The following DOCK10 variants were observed in gnomAD, a reference collection of about 807,000 sequenced individuals.
DOCK10 encodes dedicator of cytokinesis protein 10.
Under a neutral mutation model 280.1 loss-of-function variants are expected in DOCK10, and 145 were observed. The observed-to-expected ratio is 0.52, with a 90% CI of 0.45 to 0.59. The LOEUF (loss-of-function observed/expected upper bound fraction) is 0.59. Ranked by LOEUF, DOCK10 falls within the 20% of genes least tolerant of loss-of-function variation. DOCK10 has a pLI of 0.00. For synonymous variants in DOCK10, 915 were observed against 942.2 expected (o/e 0.97, Z 0.53); for missense variants, 2,368 against 2,651.7 (o/e 0.89, Z 2.35).
At position 224,773,216 on chromosome 2, in the gene DOCK10, T is replaced by C. The variant is rs780473152; in HGVS notation, c.6145A>G (p.Met2049Val). ...AGTCTGATCATGTCCACTTCTTCCATTGTGCAAAGCTGATTAAGCTCAGAA... is the reference window on the plus strand; with the variant it reads ...AGTCTGATCATGTCCACTTCTTCCACTGTGCAAAGCTGATTAAGCTCAGAA... ...KVSELNQLCT[M>V]EEVDMIRLQL... The change falls in exon 53 of 56, where the codon ATG (methionine) becomes GTG (valine). Residue 2049 changes from methionine to valine, a missense_variant. By Grantham distance (21) the Met-to-Val change is conservative. Coordinates refer to ENST00000258390, the MANE Select transcript of DOCK10 (RefSeq NM_014689.3). 71 of 1,613,830 alleles carry C rather than the reference T, an allele frequency of 4.4e-5. No individual in the cohort carries two copies. Among genetic ancestry groups the C allele is most frequent in the Admixed American group, 3.8e-4 (23 of 60,006 alleles).
intron 1 of DOCK10, among the ~76,000 whole-genome samples, chr2:224,965,652 C>T (rs564240195): frequency 1.3e-5 from 2 of 152,238 alleles, no homozygotes; most frequent in African/African-American, 4.8e-5. Context: ...ACCTTTCTAT[C>T]GTTTAGAGAG....
intron 2 of DOCK10, among the ~76,000 whole-genome samples, chr2:224,922,655 C>T (rs1048409696): frequency 7.9e-5 from 12 of 152,168 alleles, no homozygotes; most frequent in Admixed American, 5.2e-4. Flanking sequence ...TTGGAGGTTT[C>T]GTTACAGCCA....
At chr2:224,797,485 G>C (rs939368816) in intron 42 of DOCK10, among the ~76,000 whole-genome samples, 2 of 152,028 alleles carry the variant, frequency 1.3e-5, no homozygotes, top group Non-Finnish European at 2.9e-5. Flanking sequence ...CCTCAAAGGC[G>C]GTGGCTGTAT....
chr2:224,798,047 C>T lies in DOCK10; in HGVS notation c.4507-78G>A, dbSNP rs149645664. ...CTATCAAAAAATATTTATTGTGAAC[C>T]TGTCATGTGGTAAGGCACTATTTTG... is the stretch of plus-strand genomic sequence containing the variant. On this transcript the variant is annotated intron_variant, in intron 41 of 55. Coordinates refer to ENST00000258390, the MANE Select transcript of DOCK10 (RefSeq NM_014689.3). 1,875 of 1,437,136 alleles carry T rather than the reference C, an allele frequency of 1.3e-3. 5 individuals carry two copies. Among genetic ancestry groups the T allele is most frequent in the Middle Eastern group, 0.012 (66 of 5,688 alleles). The allele number at this position is 1,437,136 out of a possible 1,614,324, so 89.0% of individuals were successfully genotyped here.
At chr2:224,829,716 G>T (rs6713251) in intron 27 of DOCK10, among the ~76,000 whole-genome samples, 50,340 of 152,020 alleles carry the variant, frequency 0.33, 10,705 homozygotes, top group African/African-American at 0.6. Context: ...GAGGGTTTGG[G>T]TCATATCACC....
At chr2:224,870,978 C>A (rs961901284) in intron 11 of DOCK10, among the ~76,000 whole-genome samples, 1 of 152,068 alleles carries the variant, frequency 6.6e-6, no homozygotes, top group South Asian at 2.1e-4. Context: ...AGGCGTGTGC[C>A]ACTGTGTACA....
intron 1 of DOCK10, among the ~76,000 whole-genome samples, chr2:224,958,478 G>C (rs966665532): frequency 1.3e-5 from 2 of 152,120 alleles, no homozygotes; most frequent in Non-Finnish European, 2.9e-5. Context: ...CTCTTCCCCT[G>C]CACACTCACT....
At chr2:224,907,413 C>T (rs778419105) in intron 3 of DOCK10, among the ~76,000 whole-genome samples, 27 of 152,078 alleles carry the variant, frequency 1.8e-4, no homozygotes, top group Admixed American at 2.6e-4. Context: ...GAGGGCCAGG[C>T]GCGGTGGCTC....
chr2:225,015,617 A>G (rs1014397994), intron 1 of DOCK10, among the ~76,000 whole-genome samples: 1 of 152,146 alleles, frequency 6.6e-6, no homozygotes, highest in Non-Finnish European at 1.5e-5. Flanking sequence ...CATGGCTGAG[A>G]GGCTGTGTTT....
intron 1 of DOCK10, among the ~76,000 whole-genome samples, chr2:225,000,123 G>C (rs961556780): frequency 6.6e-6 from 1 of 152,094 alleles, no homozygotes; most frequent in Non-Finnish European, 1.5e-5. Context: ...GAAGATTCAT[G>C]ATGAGTCTTC....
At position 224,823,566 on chromosome 2, in the gene DOCK10, A is replaced by C; in HGVS notation, c.3118T>G (p.Trp1040Gly). The change falls in exon 28 of 56, where the codon TGG (tryptophan) becomes GGG (glycine). Residue 1040 changes from tryptophan (W) to glycine (G), a missense_variant. By Grantham distance (184) the Trp-to-Gly change is radical. Coordinates refer to ENST00000258390, the MANE Select transcript of DOCK10 (RefSeq NM_014689.3). ...TCTTCAAGTGCATCCTTGTATTTCC[A>C]AATCACATGGTCGGATAGGACCATG... ...LVMVLSDHVIWKYKDALEETR... is the reference protein window; with the variant it reads ...LVMVLSDHVIGKYKDALEETR... The C allele has an allele frequency of 6.2e-7, 1 of 1,608,944 alleles. No homozygotes were observed. The highest frequency in any genetic ancestry group is 8.5e-7 in the Non-Finnish European group (1 of 1,178,536).
At chr2:224,773,460 T>C (rs1231694110) in intron 52 of DOCK10, 113 bp from the exon 53 acceptor site, 5 of 916,222 alleles carry the variant, frequency 5.5e-6, no homozygotes, top group South Asian at 1.7e-5. Flanking sequence ...GCACCTTCCA[T>C]TCTGCATGCT....
intron 1 of DOCK10, among the ~76,000 whole-genome samples, chr2:224,966,028 A>G (rs1159351262): frequency 6.6e-6 from 1 of 152,246 alleles, no homozygotes; most frequent in Non-Finnish European, 1.5e-5. Context: ...TGTGGCTTCC[A>G]GTGAATGTAA....
intron 1 of DOCK10, among the ~76,000 whole-genome samples, chr2:224,962,863 A>G (rs1203036534): frequency 6.6e-6 from 1 of 152,230 alleles, no homozygotes; most frequent in Non-Finnish European, 1.5e-5. Flanking sequence ...TGAAAATTTA[A>G]AAGAGAATAA....
Position 225,042,179 on chromosome 2 carries a change from T to G in DOCK10, c.123+73A>C. 3 of 1,213,708 alleles carry G rather than the reference T, an allele frequency of 2.5e-6. No homozygotes were observed. The highest frequency in any genetic ancestry group is 3.1e-6 in the Non-Finnish European group (3 of 975,662). The allele number at this position is 1,213,708 out of a possible 1,614,324, so 75.2% of individuals were successfully genotyped here. A position where few individuals can be genotyped will look rare whatever the true frequency, so the allele number is the denominator to read the frequency against. ...CGGGGACCTGGGCCCGCCGAGCTTT[T>G]GGGGAAGCTGGGCTCCGTTCCCCCC... On this transcript the variant is annotated intron_variant, in intron 1 of 55. Transcript: ENST00000258390. The surrounding 1 kb of genome is among the most constrained non-coding windows in gnomAD (Gnocchi z 5.1).
intron 1 of DOCK10, among the ~76,000 whole-genome samples, chr2:225,032,158 T>G (rs980729184): frequency 6.6e-6 from 1 of 152,124 alleles, no homozygotes; most frequent in Non-Finnish European, 1.5e-5. Context: ...TCTCCCCAGA[T>G]TTTTAGGACT....
chr2:224,887,766 T>C (rs995215359), intron 4 of DOCK10, among the ~76,000 whole-genome samples: 2 of 152,200 alleles, frequency 1.3e-5, no homozygotes, highest in African/African-American at 4.8e-5. Flanking sequence ...AACATAACTA[T>C]CATCTCAATA....
chr2:224,958,599 C>A (rs1575114926), intron 1 of DOCK10, among the ~76,000 whole-genome samples: 1 of 152,062 alleles, frequency 6.6e-6, no homozygotes, highest in East Asian at 1.9e-4. Context: ...CTATTTCTGT[C>A]ATCTCCCTTT....
rs1230729608 is a variant in DOCK10 at position 225,024,939 on chromosome 2, A to C, written c.123+17313T>G. ...AAAAATCAAAAAAACATTTTGATTC[A>C]TGGTTACCACAGGGAAGGGATGAAC... On this transcript the variant is annotated intron_variant, in intron 1 of 55. Transcript: ENST00000258390. Among the ~76,000 whole-genome samples, 6 of 152,302 alleles carry C rather than the reference A, an allele frequency of 3.9e-5. No homozygotes were observed. In the East Asian group the frequency reaches 1.2e-3, roughly 29 times the overall value.
Sources: gnomAD v4.1 joint callset for allele counts (sites outside exome capture counted in the v4.1 genomes callset) on GRCh38, gnomAD v4.1.1 for gene constraint, Gnocchi (gnomAD v3.1) non-coding constraint, MANE v1.5 for transcripts, NCBI Gene and HGNC (gene_info 2026-07-23, HGNC 2026-07-21) for gene names.